MAP2K4: variants seen among roughly 807,000 people sequenced by gnomAD.
The protein encoded by MAP2K4 is dual specificity mitogen-activated protein kinase kinase 4.
MAP2K4 carries 4 observed loss-of-function variants against 48.5 expected under a neutral mutation model. That is an observed-to-expected ratio of 0.08 (90% CI 0.04 to 0.19). The LOEUF is 0.19. Ranked by LOEUF, MAP2K4 falls within the 10% of genes least tolerant of loss-of-function variation. The pLI is 1.00. For synonymous variants in MAP2K4, 166 were observed against 173.1 expected (o/e 0.96, Z 0.32); for missense variants, 258 against 493.3 (o/e 0.52, Z 4.52).
intron 1 of MAP2K4, among the ~76,000 whole-genome samples, chr17:12,034,675 A>AT (rs1394742921): frequency 2.6e-5 from 4 of 152,214 alleles, no homozygotes; most frequent in Non-Finnish European, 5.9e-5. Flanking sequence ...TTGATCCTAC[A>AT]TTGATTACAT....
intron 2 of MAP2K4, among the ~76,000 whole-genome samples, chr17:12,067,258 G>A (rs1156363991): frequency 6.6e-6 from 1 of 152,164 alleles, no homozygotes; most frequent in Non-Finnish European, 1.5e-5. Flanking sequence ...ACAACTTTGT[G>A]CTGGTGAAAT....
chr17:12,080,597 C>T (rs1971157989), intron 2 of MAP2K4, among the ~76,000 whole-genome samples: 1 of 152,074 alleles, frequency 6.6e-6, no homozygotes, highest in South Asian at 2.1e-4. Flanking sequence ...TATCCCATTG[C>T]TTTATCGAAC....
At chr17:12,104,060 A>G (rs982727186) in intron 4 of MAP2K4, among the ~76,000 whole-genome samples, 16 of 152,224 alleles carry the variant, frequency 1.1e-4, no homozygotes, top group African/African-American at 3.4e-4. Flanking sequence ...AAATTTAATG[A>G]TACAAATGTC....
intron 4 of MAP2K4, among the ~76,000 whole-genome samples, chr17:12,098,419 A>C (rs1971829341): frequency 6.6e-6 from 1 of 151,636 alleles, no homozygotes; most frequent in African/African-American, 2.4e-5. Context: ...CGGAGGTTGC[A>C]GTGAGCCAAG....
intron 1 of MAP2K4, among the ~76,000 whole-genome samples, chr17:12,033,233 T>C (rs955513311): frequency 3.3e-5 from 5 of 152,204 alleles, no homozygotes; most frequent in Admixed American, 6.5e-5. Flanking sequence ...CATAAAAATA[T>C]ACCAAAATAT....
intron 7 of MAP2K4, chr17:12,124,969 C>T (rs562812098): frequency 5.7e-5 from 17 of 297,116 alleles, no homozygotes; most frequent in African/African-American, 3.6e-4. Context: ...GCCACTGCAC[C>T]TGGCGACCTT....
chr17:12,101,343 G>A (rs186853576), intron 4 of MAP2K4, among the ~76,000 whole-genome samples: 12 of 152,010 alleles, frequency 7.9e-5, no homozygotes, highest in South Asian at 2.1e-4. Context: ...TATCTGCTCT[G>A]TTCCATTGAT....
In MAP2K4 at chr17:12,061,835, T is replaced by C. The variant is rs543970990; in HGVS notation, c.218+6844T>C. ...CTTTTATCTTTGCAGTATGTATGTT[T>C]CTGGAAACTTTTATCTATTATTAAG... is the stretch of plus-strand genomic sequence containing the variant. On this transcript the variant is annotated intron_variant, in intron 2 of 10. Transcript: ENST00000353533. Among the ~76,000 whole-genome samples, 34 of 152,332 alleles carry C rather than the reference T, an allele frequency of 2.2e-4. No homozygotes were observed. In the South Asian group the frequency reaches 3.7e-3, roughly 17 times the overall value.
chr17:12,072,163 A>G (rs969876051), intron 2 of MAP2K4, among the ~76,000 whole-genome samples: 2 of 152,184 alleles, frequency 1.3e-5, no homozygotes, highest in African/African-American at 2.4e-5. Flanking sequence ...TTAAATAGAA[A>G]TGGTTAATCC....
chr17:12,113,279 G>A lies in MAP2K4; in HGVS notation c.732G>A (p.Lys244=). ...TTCTGGACAGAAGTGGAAATATTAA[G>A]CTCTGTGACTTCGGCATCAGTGGAC... ...NILLDRSGNI[K]LCDFGISGQL... Residue 244 remains lysine (K), a synonymous_variant, in exon 7 of 11, where the codon AAG becomes AAA. Transcript: ENST00000353533. 1 of 1,613,738 alleles carries A rather than the reference G, an allele frequency of 6.2e-7. No individual in the cohort carries two copies. Among genetic ancestry groups the A allele is most frequent in the South Asian group, 1.1e-5 (1 of 91,062 alleles).
At chr17:12,109,779 C>G (rs144892011) in intron 5 of MAP2K4, among the ~76,000 whole-genome samples, 14 of 152,276 alleles carry the variant, frequency 9.2e-5, no homozygotes, top group Non-Finnish European at 1.8e-4. Flanking sequence ...CAAGTTATTA[C>G]TCTTAGTTGA....
intron 1 of MAP2K4, among the ~76,000 whole-genome samples, chr17:12,054,021 C>A (rs562853877): frequency 6.6e-6 from 1 of 152,018 alleles, no homozygotes; most frequent in Non-Finnish European, 1.5e-5. Flanking sequence ...TACAAGGTAT[C>A]CTTTTAAGTC....
In MAP2K4 at chr17:12,110,392, C is replaced by T. The variant is rs1972264663; in HGVS notation, c.651C>T (p.Asn217=). ...CTCCCTAGACTGTGAAAGCACTAAA[C>T]CACTTAAAAGAAAACTTGAAAATTA... is the stretch of plus-strand genomic sequence containing the variant. ...KITLATVKAL[N]HLKENLKIIH... Residue 217 remains asparagine, a synonymous_variant, in exon 6 of 11, where the codon AAC becomes AAT. Coordinates refer to ENST00000353533, the MANE Select transcript of MAP2K4 (RefSeq NM_003010.4). The T allele has an allele frequency of 6.2e-7, 1 of 1,610,806 alleles. No individual in the cohort carries two copies. Among genetic ancestry groups the T allele is most frequent in the Non-Finnish European group, 8.5e-7 (1 of 1,177,668 alleles).
intron 1 of MAP2K4, among the ~76,000 whole-genome samples, chr17:12,043,176 A>G (rs771089599): frequency 2.6e-5 from 4 of 152,238 alleles, no homozygotes; most frequent in Admixed American, 2.0e-4. Context: ...GGAGAAAAAT[A>G]TATTCATAAA....
intron 7 of MAP2K4, among the ~76,000 whole-genome samples, chr17:12,121,443 C>G (rs1427377798): frequency 1.3e-5 from 2 of 152,046 alleles, no homozygotes; most frequent in African/African-American, 4.8e-5. Flanking sequence ...TCCAGGGTCA[C>G]ATTAAGATTC....
chr17:12,051,272 T>A (rs1430392544), intron 1 of MAP2K4, among the ~76,000 whole-genome samples: 1 of 152,176 alleles, frequency 6.6e-6, no homozygotes, highest in Admixed American at 6.5e-5. Flanking sequence ...TGTTCCTAAG[T>A]CAGGGTTCTT....
At chr17:12,116,834 A>G (rs1163807805) in intron 7 of MAP2K4, among the ~76,000 whole-genome samples, 5 of 152,178 alleles carry the variant, frequency 3.3e-5, no homozygotes, top group Non-Finnish European at 5.9e-5. Context: ...TTTTTTAAAT[A>G]AGTAGAAGGA....
intron 1 of MAP2K4, among the ~76,000 whole-genome samples, chr17:12,024,742 C>T (rs1038816111): frequency 1.3e-5 from 2 of 152,158 alleles, no homozygotes; most frequent in African/African-American, 4.8e-5. Flanking sequence ...ATTAGGGCCT[C>T]ATTCTGTGGA....
At chr17:12,073,931 G>A (rs767914366) in intron 2 of MAP2K4, among the ~76,000 whole-genome samples, 4 of 151,850 alleles carry the variant, frequency 2.6e-5, no homozygotes, top group East Asian at 3.9e-4. Flanking sequence ...CCACCACCAC[G>A]CCCAGCTAAT....
Sources: gnomAD v4.1 joint callset for allele counts (sites outside exome capture counted in the v4.1 genomes callset) on GRCh38, gnomAD v4.1.1 for gene constraint, MANE v1.5 for transcripts, NCBI Gene and HGNC (gene_info 2026-07-23, HGNC 2026-07-21) for gene names.